The following RCAN2 variants were observed in gnomAD, a reference collection of about 807,000 sequenced individuals.
The protein encoded by RCAN2 is regulator of calcineurin 2.
A neutral mutation model predicts 23.6 loss-of-function variants in RCAN2; 9 were observed. That is an observed-to-expected ratio of 0.38 (90% CI 0.23 to 0.67). The LOEUF (loss-of-function observed/expected upper bound fraction) is 0.67. Among genes scored for constraint, RCAN2 ranks in the 30% least tolerant of loss-of-function variants. The pLI is 0.51. For missense variants in RCAN2, 273 were observed against 302.3 expected, an observed-to-expected ratio of 0.90 and a Z score of 0.72; for synonymous variants, 109 against 115.7, an observed-to-expected ratio of 0.94 and a Z score of 0.37.
chr6:46,475,787 C>T (rs1420115941), intron 1 of RCAN2, among the ~76,000 whole-genome samples: 1 of 152,138 alleles, frequency 6.6e-6, no homozygotes, highest in Non-Finnish European at 1.5e-5. Context: ...ATTCAAAAAA[C>T]AATCATGGAG....
At chr6:46,237,576 C>T (rs1055370044) in intron 4 of RCAN2, among the ~76,000 whole-genome samples, 2 of 152,182 alleles carry the variant, frequency 1.3e-5, no homozygotes, top group Non-Finnish European at 2.9e-5. Flanking sequence ...TGTGTTCTCT[C>T]CCTTCAATCC....
At chr6:46,454,763 G>A (rs1253634046) in intron 2 of RCAN2, among the ~76,000 whole-genome samples, 2 of 152,102 alleles carry the variant, frequency 1.3e-5, no homozygotes, top group Non-Finnish European at 2.9e-5. Flanking sequence ...CACAAACTTC[G>A]TATACACATT....
chr6:46,226,794 T>C (rs1765684163), intron 4 of RCAN2, among the ~76,000 whole-genome samples: 1 of 152,210 alleles, frequency 6.6e-6, no homozygotes. Flanking sequence ...TCCTGCCTGA[T>C]TGCCCTAGCC....
In RCAN2 at chr6:46,481,469, T is replaced by C. The variant is rs79699281; in HGVS notation, c.-3+9704A>G. Among the ~76,000 whole-genome samples, 339 of 152,312 alleles carry C rather than the reference T, an allele frequency of 2.2e-3. 3 individuals carry two copies. The highest frequency in any genetic ancestry group is 0.021 in the East Asian group (108 of 5,186). ...ATAGAGATGGGAGAAAATCCAATTA[T>C]AATTTTATATAGTTGCAGTGTTCTC... On this transcript the variant is annotated intron_variant, in intron 1 of 4. Coordinates refer to ENST00000371374, the MANE Select transcript of RCAN2 (RefSeq NM_001251974.2).
chr6:46,380,701 C>T (rs1765597446), intron 2 of RCAN2, among the ~76,000 whole-genome samples: 1 of 152,164 alleles, frequency 6.6e-6, no homozygotes. Flanking sequence ...TCCTAGTTAA[C>T]CAGCTATGAC....
intron 2 of RCAN2, among the ~76,000 whole-genome samples, chr6:46,392,743 TC>T (rs979209235): frequency 2.0e-5 from 3 of 152,270 alleles, no homozygotes; most frequent in African/African-American, 7.2e-5. Flanking sequence ...ATGGGCTCTG[TC>T]AAAAAGTAGT....
intron 1 of RCAN2, among the ~76,000 whole-genome samples, chr6:46,467,155 A>C (rs1422897134): frequency 6.6e-6 from 1 of 152,208 alleles, no homozygotes; most frequent in East Asian, 1.9e-4. Context: ...TGTTGAGCGC[A>C]GGAGCTGTGT....
chr6:46,320,736 A>G (rs1479560491), intron 2 of RCAN2, among the ~76,000 whole-genome samples: 2 of 152,208 alleles, frequency 1.3e-5, no homozygotes, highest in African/African-American at 2.4e-5. Flanking sequence ...AGAAGAGAAA[A>G]GAGCTGTCCT....
chr6:46,418,695 GTATATATATATATATATATATA>G (rs70996369), intron 2 of RCAN2, among the ~76,000 whole-genome samples: 1 of 121,350 alleles, frequency 8.2e-6, no homozygotes, highest in Non-Finnish European at 1.7e-5. Context: ...ATGTGTGTGT[GTATATATATATATATATATATA>G]TATATATATA....
chr6:46,477,084 G>T lies in RCAN2; in HGVS notation c.-3+14089C>A, dbSNP rs1290514186. Among the ~76,000 whole-genome samples, 3 of 152,116 alleles carry T rather than the reference G, an allele frequency of 2.0e-5. No individual in the cohort carries two copies. In the East Asian group the frequency reaches 5.8e-4, roughly 29 times the overall value. ...GGTGGCACATCTCAACTTGCAGGGGGACAGAAGCTCCTGCATTTAGGGCCC... is the reference window on the plus strand; with the variant it reads ...GGTGGCACATCTCAACTTGCAGGGGTACAGAAGCTCCTGCATTTAGGGCCC... On this transcript the variant is annotated intron_variant, in intron 1 of 4. Coordinates refer to ENST00000371374, the MANE Select transcript of RCAN2 (RefSeq NM_001251974.2).
At chr6:46,310,823 A>G (rs1025030409) in intron 2 of RCAN2, among the ~76,000 whole-genome samples, 4 of 152,230 alleles carry the variant, frequency 2.6e-5, no homozygotes, top group Admixed American at 2.6e-4. Flanking sequence ...TGCTCTATGT[A>G]GGAAGTTTAC....
At chr6:46,401,489 TGAGA>T (rs1480706266) in intron 2 of RCAN2, among the ~76,000 whole-genome samples, 2 of 152,098 alleles carry the variant, frequency 1.3e-5, no homozygotes, top group South Asian at 4.2e-4. Flanking sequence ...TGAGATGTCC[TGAGA>T]GAGAGAGGCA....
chr6:46,304,030 A>G (rs1762990512), intron 2 of RCAN2, among the ~76,000 whole-genome samples: 1 of 152,138 alleles, frequency 6.6e-6, no homozygotes, highest in South Asian at 2.1e-4. Flanking sequence ...ACAATTTCCC[A>G]AAGTGGTTGT....
At chr6:46,365,282 C>G (rs1346364754) in intron 2 of RCAN2, among the ~76,000 whole-genome samples, 1 of 151,892 alleles carries the variant, frequency 6.6e-6, no homozygotes, top group Non-Finnish European at 1.5e-5. Context: ...TTGAGACCAG[C>G]CTGGCCAACA....
At chr6:46,438,237 G>A (rs928827036) in intron 2 of RCAN2, 2 of 152,208 alleles carry the variant, frequency 1.3e-5, no homozygotes, top group Non-Finnish European at 2.9e-5. Flanking sequence ...ACAGGTACAA[G>A]GCGTAGCTTA....
At chr6:46,478,910 G>A (rs1423396513) in intron 1 of RCAN2, among the ~76,000 whole-genome samples, 2 of 152,136 alleles carry the variant, frequency 1.3e-5, no homozygotes, top group Non-Finnish European at 2.9e-5. Context: ...ATAAGAAAAC[G>A]ATTATAAACA....
intron 1 of RCAN2, among the ~76,000 whole-genome samples, chr6:46,481,008 C>T (rs981431116): frequency 2.0e-5 from 3 of 152,212 alleles, no homozygotes. Flanking sequence ...TTCGTGTTTC[C>T]GAATTATTTA....
At chr6:46,274,487 G>A (rs1294712077) in intron 2 of RCAN2, among the ~76,000 whole-genome samples, 1 of 152,130 alleles carries the variant, frequency 6.6e-6, no homozygotes, top group Non-Finnish European at 1.5e-5. Flanking sequence ...TTAGAGAAGG[G>A]AGCAATAAGG....
In RCAN2 at chr6:46,456,915, T is replaced by C; in HGVS notation, c.62A>G (p.Glu21Gly). The change falls in exon 2 of 5, where the codon GAA becomes GGA. Residue 21 changes from glutamate (E) to glycine (G), a missense_variant. Coordinates refer to ENST00000371374, the MANE Select transcript of RCAN2 (RefSeq NM_001251974.2). ...RSPGQQGHVP[E>G]DGGLFLLCCI... ...GCACAGTAAGAAAAGTCCTCCATCT[T>C]CAGGGACGTGTCCCTGCTGCCCTGG... 6.4e-7 allele frequency: 1 copy of C among 1,550,708 alleles called. No individual in the cohort carries two copies. Among genetic ancestry groups the C allele is most frequent in the Non-Finnish European group, 8.7e-7 (1 of 1,146,950 alleles).
Sources: gnomAD v4.1 joint callset for allele counts (sites outside exome capture counted in the v4.1 genomes callset) on GRCh38, gnomAD v4.1.1 for gene constraint, MANE v1.5 for transcripts, NCBI Gene and HGNC (gene_info 2026-07-23, HGNC 2026-07-21) for gene names.